KIF26B: variants seen among roughly 807,000 people sequenced by gnomAD.
KIF26B encodes the protein kinesin-like protein KIF26B.
KIF26B carries 63 observed loss-of-function variants against 151.2 expected under a neutral mutation model. The observed-to-expected ratio is 0.42, with a 90% CI of 0.34 to 0.51. The LOEUF (loss-of-function observed/expected upper bound fraction) is 0.51, where lower values mean the gene tolerates loss of function less well. Ranked by LOEUF, KIF26B falls within the 20% of genes least tolerant of loss-of-function variation. The probability of loss-of-function intolerance (pLI) is 0.07; values close to 1 mark genes in which losing one functional copy is unlikely to be tolerated. For missense variants in KIF26B, 2,813 were observed against 2,913.6 expected (o/e 0.97, Z 0.79); for synonymous variants, 1,357 against 1,262.1 (o/e 1.08, Z -1.59).
chr1:245,333,998 C>CAA (rs537769669), intron 2 of KIF26B, among the ~76,000 whole-genome samples: 2 of 138,306 alleles, frequency 1.4e-5, no homozygotes, highest in Non-Finnish European at 3.1e-5. Context: ...GACTCCGTGT[C>CAA]AAAAAAAAAA....
Position 245,548,745 on chromosome 1 carries a change from C to CTTT in KIF26B, c.1350+7807_1350+7809dup, listed in dbSNP as rs34079894. Among the ~76,000 whole-genome samples the CTTT allele has an allele frequency of 2.4e-3, 340 of 143,768 alleles. 1 individual carries two copies. The highest frequency in any genetic ancestry group is 4.1e-3 in the African/African-American group (161 of 39,076). 94.3% of individuals were successfully genotyped at this position (143,768 alleles called of 152,430 possible). On this transcript the variant is annotated intron_variant, in intron 5 of 14. Transcript: ENST00000407071. ...GTAATCTTTTCCTCCCATTTTGCAA[C>CTTT]TTTTTTTTTTTTTTAAAAACAGGGT... is the stretch of plus-strand genomic sequence containing the variant.
chr1:245,570,215 C>T (rs1189337468), intron 5 of KIF26B, among the ~76,000 whole-genome samples: 1 of 152,034 alleles, frequency 6.6e-6, no homozygotes, highest in African/African-American at 2.4e-5. Context: ...GGATTACAGG[C>T]GTGAGCCACC....
At chr1:245,577,611 CGGCAGTGCATCCCCTACA>C (rs2043133006) in intron 5 of KIF26B, among the ~76,000 whole-genome samples, 1 of 149,238 alleles carries the variant, frequency 6.7e-6, no homozygotes. Context: ...TTGTGGAACT[CGGCAGTGCATCCCCTACA>C]CGGAAGAGCT....
intron 2 of KIF26B, among the ~76,000 whole-genome samples, chr1:245,248,410 C>T (rs557054922): frequency 8.5e-5 from 13 of 152,282 alleles, no homozygotes; most frequent in African/African-American, 2.2e-4. Flanking sequence ...ATTCTGCTTC[C>T]GTAACTGTCC....
At chr1:245,510,423 G>C (rs1191315099) in intron 4 of KIF26B, among the ~76,000 whole-genome samples, 5 of 152,076 alleles carry the variant, frequency 3.3e-5, no homozygotes, top group African/African-American at 4.8e-5. Flanking sequence ...GCACATACGT[G>C]GCTAAATGTG....
chr1:245,694,262 A>G (rs2044661424), intron 12 of KIF26B, among the ~76,000 whole-genome samples: 2 of 152,196 alleles, frequency 1.3e-5, no homozygotes, highest in Non-Finnish European at 2.9e-5. Context: ...CTGGTCAACA[A>G]AATCACATGG....
chr1:245,374,842 G>A (rs1429716671), intron 3 of KIF26B, among the ~76,000 whole-genome samples: 2 of 152,164 alleles, frequency 1.3e-5, no homozygotes, highest in African/African-American at 4.8e-5. Flanking sequence ...AATTCCAAAA[G>A]GGTAGTCACA....
At chr1:245,458,775 A>G (rs1659590683) in intron 4 of KIF26B, among the ~76,000 whole-genome samples, 1 of 152,210 alleles carries the variant, frequency 6.6e-6, no homozygotes, top group Non-Finnish European at 1.5e-5. Context: ...TTCTTTGCCC[A>G]AGGGCCCTCA....
rs58501579 is a variant in KIF26B at position 245,169,328 on chromosome 1, GGTGTGT to G, written c.465+12675_465+12680del. 4.2e-3 allele frequency among the ~76,000 whole-genome samples: 570 copies of G among 134,174 alleles called. 6 individuals are homozygous for G. Among genetic ancestry groups the G allele is most frequent in the African/African-American group, 0.015 (527 of 35,038 alleles). 88.0% of individuals were successfully genotyped at this position (134,174 alleles called of 152,430 possible). A position where few individuals can be genotyped will look rare whatever the true frequency, so the allele number is the denominator to read the frequency against. On this transcript the variant is annotated intron_variant, in intron 2 of 14. Transcript: ENST00000407071. Reference sequence around the variant, plus strand: ...TGCACTCGACTTTCTAACGGGCCATGGTGTGTGTGTGTGTGTGTGTGTGTGTGTGTG... The same window carrying G: ...TGCACTCGACTTTCTAACGGGCCATGGTGTGTGTGTGTGTGTGTGTGTGTG...
rs771571204 is a variant in KIF26B at position 245,540,811 on chromosome 1, G to A, written c.1211G>A (p.Arg404Gln). Residue 404 changes from arginine (R) to glutamine (Q), a missense_variant, in exon 5 of 15, where the codon CGG (arginine) becomes CAG (glutamine). Physicochemically the swap from Arg to Gln is conservative, Grantham distance 43. Transcript: ENST00000407071. This position sits in a 1 kb window ranked among gnomAD's most constrained non-coding sequence, Gnocchi z 4.6. ...LNLSSKKKKH[R>Q]PSTSSAAEPP... ...CTGTCTTCTAAAAAGAAGAAACATCGGCCTTCCACTTCTTCCGCTGCCGAA... is the reference window on the plus strand; with the variant it reads ...CTGTCTTCTAAAAAGAAGAAACATCAGCCTTCCACTTCTTCCGCTGCCGAA... 130 of 1,613,790 alleles carry A rather than the reference G, an allele frequency of 8.1e-5. No individual in the cohort carries two copies. In the Middle Eastern group the frequency reaches 1.6e-3, roughly 20 times the overall value.
chr1:245,210,040 C>T (rs1009658439), intron 2 of KIF26B, among the ~76,000 whole-genome samples: 2 of 152,226 alleles, frequency 1.3e-5, no homozygotes, highest in African/African-American at 4.8e-5. Flanking sequence ...GATCAAAATC[C>T]AGAGGCCAGG....
rs571755596 is a variant in KIF26B at position 245,602,348 on chromosome 1, A to C, written c.1351-229A>C. On this transcript the variant is annotated intron_variant, in intron 5 of 14. Transcript: ENST00000407071. The surrounding 1 kb of genome is among the most constrained non-coding windows in gnomAD (Gnocchi z 4.5). Reference sequence around the variant, plus strand: ...AAAGAACATGATGTGCCAGCTCCATATTGAAGTAATGGGCATATCAAAATA... The same window carrying C: ...AAAGAACATGATGTGCCAGCTCCATCTTGAAGTAATGGGCATATCAAAATA... 6.6e-6 allele frequency among the ~76,000 whole-genome samples: 1 copy of C among 152,234 alleles called. No individual in the cohort carries two copies. Among genetic ancestry groups the C allele is most frequent in the South Asian group, 2.1e-4 (1 of 4,832 alleles).
chr1:245,175,327 G>T (rs1479154950), intron 2 of KIF26B, among the ~76,000 whole-genome samples: 1 of 152,108 alleles, frequency 6.6e-6, no homozygotes, highest in Non-Finnish European at 1.5e-5. Flanking sequence ...GCAGCTAGAA[G>T]TAAGTCTGGG....
rs115737997 is a variant in KIF26B, at chr1:245,683,292, C to T, written c.2259-941C>T. Among the ~76,000 whole-genome samples, 388 of 150,670 alleles carry T rather than the reference C, an allele frequency of 2.6e-3. 3 individuals carry two copies. Among genetic ancestry groups the T allele is most frequent in the African/African-American group, 8.5e-3 (351 of 41,182 alleles). ...CAGACACAGCATGGAGATATGAGCA[C>T]GCGGCATGGGAAATAGGCTTCCTCA... is the stretch of plus-strand genomic sequence containing the variant. On this transcript the variant is annotated intron_variant, in intron 10 of 14. Coordinates refer to ENST00000407071, the MANE Select transcript of KIF26B (RefSeq NM_018012.4).
rs950703079 is a variant in KIF26B at position 245,655,161 on chromosome 1, G to A, written c.2258+8881G>A. Among the ~76,000 whole-genome samples the A allele has an allele frequency of 1.6e-4, 24 of 152,070 alleles. 1 individual carries two copies. The highest frequency in any genetic ancestry group is 7.3e-5 in the Non-Finnish European group (5 of 68,028). On this transcript the variant is annotated intron_variant, in intron 10 of 14. Transcript: ENST00000407071. ...GATGGATTCTAGCACCCCTGCCACGGCTAACCTCACACACTCAGACGCTCT... is the reference window on the plus strand; with the variant it reads ...GATGGATTCTAGCACCCCTGCCACGACTAACCTCACACACTCAGACGCTCT...
intron 14 of KIF26B, among the ~76,000 whole-genome samples, 186 bp downstream of exon 14, chr1:245,699,223 G>A (rs2044736287): frequency 6.6e-6 from 1 of 152,144 alleles, no homozygotes; most frequent in African/African-American, 2.4e-5. Flanking sequence ...GGGAGGGGCC[G>A]GGACAGCAGA....
At chr1:245,206,647 T>G (rs1199012495) in intron 2 of KIF26B, 1 of 152,090 alleles carries the variant, frequency 6.6e-6, no homozygotes, top group African/African-American at 2.4e-5. Flanking sequence ...TGGAGAGTGG[T>G]CTCCAACCCT....
At chr1:245,261,371 T>C (rs1670634851) in intron 2 of KIF26B, among the ~76,000 whole-genome samples, 1 of 152,020 alleles carries the variant, frequency 6.6e-6, no homozygotes, top group Non-Finnish European at 1.5e-5. Context: ...CCTCAGGTGA[T>C]CCGCCCACCT....
intron 4 of KIF26B, among the ~76,000 whole-genome samples, chr1:245,530,944 C>T (rs534260889): frequency 7.2e-5 from 11 of 152,266 alleles, no homozygotes; most frequent in African/African-American, 2.4e-4. Context: ...CACTGAGATT[C>T]GTTTTAAGCA....
Sources: gnomAD v4.1 joint callset for allele counts (sites outside exome capture counted in the v4.1 genomes callset) on GRCh38, gnomAD v4.1.1 for gene constraint, Gnocchi (gnomAD v3.1) non-coding constraint, MANE v1.5 for transcripts, NCBI Gene and HGNC (gene_info 2026-07-23, HGNC 2026-07-21) for gene names.